Variants in RBPMS observed in about 807,000 individuals in gnomAD.
The protein encoded by RBPMS is RNA binding protein, mRNA processing factor.
Under a neutral mutation model 26.8 loss-of-function variants are expected in RBPMS, and 7 were observed. The observed-to-expected ratio is 0.26, with a 90% CI of 0.15 to 0.49. The LOEUF is 0.49. Ranked by LOEUF, RBPMS falls within the 20% of genes least tolerant of loss-of-function variation. The probability of loss-of-function intolerance (pLI) is 0.98; values close to 1 mark genes in which losing one functional copy is unlikely to be tolerated. For missense variants in RBPMS, 186 were observed against 250.0 expected (o/e 0.74, Z 1.73); for synonymous variants, 96 against 93.3 (o/e 1.03, Z -0.17).
chr8:30,556,009 A>C (rs1406483630), intron 6 of RBPMS: 27 of 985,230 alleles, frequency 2.7e-5, no homozygotes, highest in Non-Finnish European at 3.3e-5. Context: ...AGACTTGGCC[A>C]GGGGGGCACT....
intron 4 of RBPMS, among the ~76,000 whole-genome samples, chr8:30,483,609 T>TA (rs1425358928): frequency 6.6e-6 from 1 of 152,148 alleles, no homozygotes; most frequent in East Asian, 1.9e-4. Context: ...TACGGTAAAA[T>TA]ACATTTAAAA....
chr8:30,392,866 C>T (rs1807944025), intron 1 of RBPMS, among the ~76,000 whole-genome samples: 1 of 152,234 alleles, frequency 6.6e-6, no homozygotes, highest in Admixed American at 6.5e-5. Flanking sequence ...GTTACTGAGT[C>T]TGGGGTGCAG....
chr8:30,391,964 A>AT (rs1418180189), intron 1 of RBPMS, among the ~76,000 whole-genome samples: 1 of 151,948 alleles, frequency 6.6e-6, no homozygotes, highest in Non-Finnish European at 1.5e-5. Context: ...GATTATGATG[A>AT]TTGTGCTGCT....
chr8:30,476,865 G>A (rs372364799), intron 2 of RBPMS, among the ~76,000 whole-genome samples: 8 of 152,296 alleles, frequency 5.3e-5, no homozygotes, highest in African/African-American at 1.7e-4. Context: ...GAAAGAGGGA[G>A]GGAGTGTTTC....
chr8:30,522,946 T>G (rs1024267591), intron 5 of RBPMS, among the ~76,000 whole-genome samples: 2 of 152,240 alleles, frequency 1.3e-5, no homozygotes, highest in African/African-American at 4.8e-5. Context: ...TAATGCTTTC[T>G]TGACTAGTGT....
At chr8:30,500,340 C>CT (rs36121330) in intron 4 of RBPMS, among the ~76,000 whole-genome samples, 6,787 of 140,034 alleles carry the variant, frequency 0.048, 290 homozygotes, top group African/African-American at 0.12. Flanking sequence ...TGTTGAGTAT[C>CT]TTTTTTTTTT....
At position 30,561,914 on chromosome 8, in the gene RBPMS, C is replaced by T. The variant is rs1321360013; in HGVS notation, c.*7+2958C>T. ...CCTGGGTTTCATTTGTATCTGCTCA[C>T]CTAATTTTTTTCCAAATCATTTCTC... On this transcript the variant is annotated intron_variant, in intron 7 of 8. Transcript: ENST00000397323. 4 of 985,228 alleles carry T rather than the reference C, an allele frequency of 4.1e-6. No homozygotes were observed. The East Asian group carries it at 4.5e-4, about 112-fold the overall frequency. 61.0% of individuals were successfully genotyped at this position (985,228 alleles called of 1,614,324 possible). A position where few individuals can be genotyped will look rare whatever the true frequency, so the allele number is the denominator to read the frequency against.
At chr8:30,557,924 G>A (rs1260397020) in intron 6 of RBPMS, among the ~76,000 whole-genome samples, 2 of 152,156 alleles carry the variant, frequency 1.3e-5, no homozygotes, top group African/African-American at 4.8e-5. Context: ...GAGTGCAGTG[G>A]CACAATCTCA....
chr8:30,509,535 T>G (rs1341819951), intron 5 of RBPMS, among the ~76,000 whole-genome samples: 1 of 152,220 alleles, frequency 6.6e-6, no homozygotes, highest in Admixed American at 6.5e-5. Flanking sequence ...AGGAAATCTC[T>G]TAACATTCAT....
At chr8:30,477,335 C>T (rs1209624861) in intron 2 of RBPMS, among the ~76,000 whole-genome samples, 1 of 152,198 alleles carries the variant, frequency 6.6e-6, no homozygotes, top group African/African-American at 2.4e-5. Flanking sequence ...AGGCGTGAGT[C>T]ACCGCACCCA....
chr8:30,418,783 T>G (rs112745364), intron 1 of RBPMS, among the ~76,000 whole-genome samples: 11 of 152,064 alleles, frequency 7.2e-5, no homozygotes, highest in Non-Finnish European at 5.9e-5. Flanking sequence ...TTTACCATGT[T>G]GGCCAAGCTG....
chr8:30,558,740 A>G, intron 6 of RBPMS, 147 bp from the exon 7 acceptor site: 2 of 724,430 alleles, frequency 2.8e-6, no homozygotes, highest in Non-Finnish European at 5.0e-6. Flanking sequence ...GATGCTTTTC[A>G]GCCCCTTGGG....
chr8:30,385,872 G>C (rs1204985590), intron 1 of RBPMS, among the ~76,000 whole-genome samples: 1 of 152,190 alleles, frequency 6.6e-6, no homozygotes, highest in Non-Finnish European at 1.5e-5. Context: ...TAATCATGAT[G>C]AAAGTTTTGT....
At chr8:30,460,170 T>A (rs978181108) in intron 1 of RBPMS, among the ~76,000 whole-genome samples, 1 of 152,200 alleles carries the variant, frequency 6.6e-6, no homozygotes, top group African/African-American at 2.4e-5. Flanking sequence ...ATTCTGAAAT[T>A]TGAAATGCAA....
intron 4 of RBPMS, among the ~76,000 whole-genome samples, chr8:30,498,271 T>A (rs1820194033): frequency 6.6e-6 from 1 of 151,988 alleles, no homozygotes; most frequent in Non-Finnish European, 1.5e-5. Flanking sequence ...GAAGCTTCCT[T>A]GGAGAAGTTC....
At chr8:30,501,644 A>G (rs1366396529) in intron 4 of RBPMS, among the ~76,000 whole-genome samples, 4 of 152,164 alleles carry the variant, frequency 2.6e-5, no homozygotes, top group Non-Finnish European at 4.4e-5. Flanking sequence ...TGGTCCATGT[A>G]ATAAATAGGA....
chr8:30,527,918 G>C (rs1195559907), intron 5 of RBPMS, among the ~76,000 whole-genome samples: 1 of 152,230 alleles, frequency 6.6e-6, no homozygotes. Context: ...GCTCACGCCT[G>C]TAGTCCCAGC....
intron 1 of RBPMS, among the ~76,000 whole-genome samples, chr8:30,457,884 A>G (rs1365241145): frequency 6.6e-6 from 1 of 152,080 alleles, no homozygotes; most frequent in Non-Finnish European, 1.5e-5. Flanking sequence ...CTTGATTTAT[A>G]TTCTTTAAGT....
intron 1 of RBPMS, chr8:30,445,016 T>C (rs753170376): frequency 6.6e-6 from 1 of 152,176 alleles, no homozygotes; most frequent in Non-Finnish European, 1.5e-5. Context: ...TTTTTTTTTT[T>C]CTTACCAAAG....
Sources: allele counts gnomAD v4.1 joint callset (sites outside exome capture counted in the v4.1 genomes callset), GRCh38; gene constraint gnomAD v4.1.1; transcripts MANE v1.5; gene names NCBI Gene and HGNC (gene_info 2026-07-23, HGNC 2026-07-21).